Variants in NDNF observed in about 807,000 individuals in gnomAD.
NDNF encodes protein NDNF.
In NDNF, 16 loss-of-function variants were observed where a neutral mutation model predicts 42.0. The observed-to-expected ratio is 0.38, with a 90% CI of 0.26 to 0.58. The LOEUF (loss-of-function observed/expected upper bound fraction) is 0.58. Ranked by LOEUF, NDNF falls within the 20% of genes least tolerant of loss-of-function variation. NDNF has a pLI of 0.67. For synonymous variants in NDNF, 248 were observed against 251.7 expected, an observed-to-expected ratio of 0.99 and a Z score of 0.14; for missense variants, 616 against 666.2, an observed-to-expected ratio of 0.92 and a Z score of 0.83.
chr4:121,054,860 T>A (rs1727257363), intron 1 of NDNF, among the ~76,000 whole-genome samples: 1 of 152,144 alleles, frequency 6.6e-6, no homozygotes, highest in Non-Finnish European at 1.5e-5. Context: ...GACAGGGTCT[T>A]GCTCTGTTGC....
Position 121,045,655 on chromosome 4 carries a change from A to T in NDNF, c.183T>A (p.Pro61=), listed in dbSNP as rs1438984805. ...EISSYLFRDT[P]KRYFFVVEED... ...AAATACTGCAGGGAGAATACCTCTTAGGTGTATCTCTAAAGAGATAACTGC... is the reference window on the plus strand; with the variant it reads ...AAATACTGCAGGGAGAATACCTCTTTGGTGTATCTCTAAAGAGATAACTGC... Residue 61 remains proline (P), a synonymous_variant, in exon 2 of 4, where the codon CCT becomes CCA. Coordinates refer to ENST00000379692, the MANE Select transcript of NDNF (RefSeq NM_024574.4). 3 of 1,612,394 alleles carry T rather than the reference A, an allele frequency of 1.9e-6. No homozygotes were observed. The highest frequency in any genetic ancestry group is 1.6e-4 in the Middle Eastern group (1 of 6,080).
chr4:121,068,985 T>C (rs2148773765), intron 1 of NDNF, among the ~76,000 whole-genome samples: 1 of 152,300 alleles, frequency 6.6e-6, no homozygotes, highest in Non-Finnish European at 1.5e-5. Context: ...TGAAGAGAAT[T>C]GCTATAGAAA....
At chr4:121,064,229 T>C (rs1212070578) in intron 1 of NDNF, among the ~76,000 whole-genome samples, 2 of 152,164 alleles carry the variant, frequency 1.3e-5, no homozygotes, top group East Asian at 1.9e-4. Flanking sequence ...AGTAGAAGGA[T>C]AGAATATCTT....
At chr4:121,058,190 T>TC (rs1266705948) in intron 1 of NDNF, among the ~76,000 whole-genome samples, 2 of 152,204 alleles carry the variant, frequency 1.3e-5, no homozygotes, top group African/African-American at 4.8e-5. Flanking sequence ...ATTATACTGT[T>TC]TTCAAGAAGC....
chr4:121,056,057 C>A (rs1291758615), intron 1 of NDNF, among the ~76,000 whole-genome samples: 1 of 152,096 alleles, frequency 6.6e-6, no homozygotes, highest in Non-Finnish European at 1.5e-5. Flanking sequence ...TGTGACCAGA[C>A]CTCTTCATAA....
chr4:121,070,969 G>A (rs926775571), intron 1 of NDNF, among the ~76,000 whole-genome samples: 3 of 152,158 alleles, frequency 2.0e-5, no homozygotes, highest in African/African-American at 7.2e-5. Flanking sequence ...GGGAACTGCC[G>A]GGAGCTCTCA....
At chr4:121,062,507 C>T (rs1234192242) in intron 1 of NDNF, among the ~76,000 whole-genome samples, 1 of 152,146 alleles carries the variant, frequency 6.6e-6, no homozygotes, top group Non-Finnish European at 1.5e-5. Context: ...GCAAACAACA[C>T]AGACAGATCC....
chr4:121,059,381 G>A lies in NDNF; in HGVS notation c.-2+12612C>T, dbSNP rs540469231. Among the ~76,000 whole-genome samples the A allele has an allele frequency of 2.0e-5, 3 of 152,302 alleles. No individual in the cohort carries two copies. In the South Asian group the frequency reaches 6.2e-4, roughly 32 times the overall value. ...TGCTGATGTGTAGAATTTGTTTCAA[G>A]AGAATATAGGCTTAATAGCAAATAA... On this transcript the variant is annotated intron_variant, in intron 1 of 3. Coordinates refer to ENST00000379692, the MANE Select transcript of NDNF (RefSeq NM_024574.4).
chr4:121,056,979 A>G (rs1316975198), intron 1 of NDNF, among the ~76,000 whole-genome samples: 3 of 152,212 alleles, frequency 2.0e-5, no homozygotes, highest in Non-Finnish European at 4.4e-5. Context: ...AATTCCACAA[A>G]TACAAGTAGG....
chr4:121,069,510 G>T (rs1579325423), intron 1 of NDNF, among the ~76,000 whole-genome samples: 1 of 152,168 alleles, frequency 6.6e-6, no homozygotes, highest in East Asian at 1.9e-4. Context: ...CTATTACAGA[G>T]TTCTAGCTTC....
intron 1 of NDNF, among the ~76,000 whole-genome samples, chr4:121,065,766 A>G (rs1412264665): frequency 1.3e-5 from 2 of 152,076 alleles, no homozygotes; most frequent in Non-Finnish European, 1.5e-5. Context: ...TTTTATACAT[A>G]TATATGTATA....
intron 1 of NDNF, among the ~76,000 whole-genome samples, chr4:121,056,188 G>A (rs1727291899): frequency 6.6e-6 from 1 of 152,198 alleles, no homozygotes; most frequent in African/African-American, 2.4e-5. Context: ...CATCCCTGGA[G>A]GAATTCTAAA....
intron 3 of NDNF, among the ~76,000 whole-genome samples, chr4:121,039,178 A>ATG (rs749717084): frequency 0.016 from 1,075 of 66,554 alleles, 34 homozygotes; most frequent in Middle Eastern, 0.027. Context: ...TATAAAGACT[A>ATG]TGTGTGTGTG....
At chr4:121,055,825 ACC>A (rs1212976868) in intron 1 of NDNF, among the ~76,000 whole-genome samples, 127 of 152,176 alleles carry the variant, frequency 8.3e-4, no homozygotes, top group African/African-American at 2.8e-3. Context: ...ACACACACGC[ACC>A]CCAGAAGTTG....
chr4:121,064,176 T>C (rs972716668), intron 1 of NDNF, among the ~76,000 whole-genome samples: 1 of 152,238 alleles, frequency 6.6e-6, no homozygotes, highest in African/African-American at 2.4e-5. Flanking sequence ...TACAACTTTA[T>C]TTAAAAAGTT....
intron 1 of NDNF, among the ~76,000 whole-genome samples, chr4:121,052,172 C>A (rs1237234239): frequency 3.3e-5 from 5 of 152,202 alleles, no homozygotes; most frequent in Admixed American, 3.3e-4. Flanking sequence ...AGCTCTTACA[C>A]ACTTTACATA....
At chr4:121,061,027 G>A (rs1727396629) in intron 1 of NDNF, 1 of 152,130 alleles carries the variant, frequency 6.6e-6, no homozygotes, top group Non-Finnish European at 1.5e-5. Flanking sequence ...CCACGCCCTG[G>A]AAATATTATT....
intron 2 of NDNF, among the ~76,000 whole-genome samples, chr4:121,042,532 T>C (rs770759947): frequency 1.8e-4 from 27 of 152,214 alleles, no homozygotes; most frequent in Admixed American, 3.3e-4. Flanking sequence ...GTTTACTGTA[T>C]GTGAAGTTTA....
chr4:121,050,241 T>C (rs1727171422), intron 1 of NDNF, among the ~76,000 whole-genome samples: 1 of 152,228 alleles, frequency 6.6e-6, no homozygotes, highest in Admixed American at 6.5e-5. Context: ...GAATTAGTCA[T>C]TGAGAATAAA....
Sources: gnomAD v4.1 joint callset for allele counts (sites outside exome capture counted in the v4.1 genomes callset) on GRCh38, gnomAD v4.1.1 for gene constraint, MANE v1.5 for transcripts, NCBI Gene and HGNC (gene_info 2026-07-23, HGNC 2026-07-21) for gene names.